The following STK3 variants were observed in gnomAD, a reference collection of about 807,000 sequenced individuals.
STK3 encodes serine/threonine kinase 3.
In STK3, 41 loss-of-function variants were observed where a neutral mutation model predicts 58.0. The observed-to-expected ratio is 0.71, with a 90% CI of 0.55 to 0.92. STK3 has a LOEUF of 0.92. STK3 is among the 40% of genes least tolerant of loss of function. The pLI, the probability that STK3 is intolerant of heterozygous loss-of-function variation, is 0.00. For missense variants in STK3, 479 were observed against 602.7 expected, an observed-to-expected ratio of 0.79 and a Z score of 2.15; for synonymous variants, 170 against 191.0, an observed-to-expected ratio of 0.89 and a Z score of 0.91.
At chr8:98,383,427 T>C (rs990186700) in intron 1 of STK3, among the ~76,000 whole-genome samples, 1 of 152,216 alleles carries the variant, frequency 6.6e-6, no homozygotes, top group African/African-American at 2.4e-5. Flanking sequence ...GGATCTATTA[T>C]AGAATAGCAG....
intron 1 of STK3, among the ~76,000 whole-genome samples, chr8:98,818,231 C>A (rs540077043): frequency 2.4e-4 from 37 of 152,342 alleles, no homozygotes; most frequent in African/African-American, 8.9e-4. Flanking sequence ...TCTCTACACA[C>A]TACTTATATC....
intron 1 of STK3, among the ~76,000 whole-genome samples, chr8:98,798,206 C>G: frequency 6.6e-6 from 1 of 152,144 alleles, no homozygotes; most frequent in Non-Finnish European, 1.5e-5. Flanking sequence ...TGCTTCAAGG[C>G]AGCTCATAAT....
chr8:98,750,865 C>G (rs1829932073), intron 3 of STK3, among the ~76,000 whole-genome samples: 2 of 152,290 alleles, frequency 1.3e-5, no homozygotes, highest in South Asian at 4.1e-4. Context: ...AAAACATTAG[C>G]AAACCAAATC....
chr8:98,844,987 A>G (rs2131817721), intron 3 of STK3, among the ~76,000 whole-genome samples: 1 of 152,318 alleles, frequency 6.6e-6, no homozygotes, highest in South Asian at 2.1e-4. Flanking sequence ...GTTGGAGCAG[A>G]GCATCCCAGT....
chr8:98,525,987 G>GA (rs1349936160), intron 10 of STK3, among the ~76,000 whole-genome samples: 1 of 150,958 alleles, frequency 6.6e-6, no homozygotes, highest in Non-Finnish European at 1.5e-5. Context: ...TTTTGTTTGG[G>GA]AAAAAAAATC....
intron 5 of STK3, 116 bp from the exon 6 acceptor site, chr8:98,706,750 T>C: frequency 8.4e-7 from 1 of 1,195,216 alleles, no homozygotes; most frequent in South Asian, 1.9e-5. Context: ...ATATCAGAAA[T>C]TGACTATTTT....
intron 1 of STK3, among the ~76,000 whole-genome samples, chr8:98,795,103 A>T (rs2515213): frequency 1.5e-5 from 1 of 64,726 alleles, no homozygotes; most frequent in African/African-American, 6.0e-5. Flanking sequence ...AAAAAAAAAA[A>T]ATATATATAT....
At chr8:98,714,573 A>G (rs1179776861) in intron 4 of STK3, among the ~76,000 whole-genome samples, 1 of 152,208 alleles carries the variant, frequency 6.6e-6, no homozygotes, top group Non-Finnish European at 1.5e-5. Flanking sequence ...TCCAACTTAC[A>G]AGGGACATGA....
At chr8:98,577,774 A>T (rs1813534803) in intron 8 of STK3, among the ~76,000 whole-genome samples, 2 of 152,150 alleles carry the variant, frequency 1.3e-5, no homozygotes, top group Non-Finnish European at 2.9e-5. Context: ...TACAAATACC[A>T]TGATAATAAA....
chr8:98,631,973 G>A (rs1053174845), intron 6 of STK3, among the ~76,000 whole-genome samples: 4 of 152,202 alleles, frequency 2.6e-5, no homozygotes, highest in Admixed American at 6.5e-5. Flanking sequence ...CTTTTTGTGT[G>A]TAATTTACTG....
At chr8:98,365,232 T>G in the STK3 span, among the ~76,000 whole-genome samples, 1 of 152,056 alleles carries the variant, frequency 6.6e-6, no homozygotes, top group African/African-American at 2.4e-5. Context: ...ATCACTGGAG[T>G]GGATGCTTTG....
intron 1 of STK3, chr8:98,904,779 G>T (rs779398889): frequency 1.5e-6 from 1 of 685,136 alleles, no homozygotes; most frequent in Non-Finnish European, 2.7e-6. Context: ...ATAGGAGGAA[G>T]TGGTGGCCGG....
intron 6 of STK3, among the ~76,000 whole-genome samples, chr8:98,680,611 T>A (rs1488645046): frequency 6.6e-6 from 1 of 152,202 alleles, no homozygotes; most frequent in African/African-American, 2.4e-5. Context: ...CTGTTCTCTT[T>A]CCCTACAGAA....
intron 1 of STK3, among the ~76,000 whole-genome samples, chr8:98,796,944 C>G (rs1165351163): frequency 6.6e-6 from 1 of 152,136 alleles, no homozygotes; most frequent in Admixed American, 6.5e-5. Context: ...ATTAAAAAGT[C>G]AGGCCTCGGA....
intron 1 of STK3, among the ~76,000 whole-genome samples, chr8:98,896,527 A>G (rs920368317): frequency 6.6e-6 from 1 of 152,192 alleles, no homozygotes; most frequent in African/African-American, 2.4e-5. Context: ...TAGTTTCACA[A>G]ACAGTAGCCT....
At chr8:98,588,879 G>C (rs1814946832) in intron 7 of STK3, among the ~76,000 whole-genome samples, 1 of 150,842 alleles carries the variant, frequency 6.6e-6, no homozygotes, top group African/African-American at 2.4e-5. Flanking sequence ...CTTTCTTCCA[G>C]TTGATCGCAT....
At chr8:98,574,328 T>C (rs1030605888) in intron 8 of STK3, among the ~76,000 whole-genome samples, 1 of 152,172 alleles carries the variant, frequency 6.6e-6, no homozygotes, top group Non-Finnish European at 1.5e-5. Flanking sequence ...CCAGCCTCTA[T>C]AGACAGCAAA....
At chr8:98,615,288 A>C (rs1205014468) in intron 6 of STK3, among the ~76,000 whole-genome samples, 9 of 146,650 alleles carry the variant, frequency 6.1e-5, no homozygotes, top group Non-Finnish European at 1.4e-4. Context: ...CAGAAAGGAC[A>C]TCCACACCGA....
intron 3 of STK3, among the ~76,000 whole-genome samples, chr8:98,404,124 CCAT>C (rs1288751955): frequency 6.6e-6 from 1 of 152,214 alleles, no homozygotes; most frequent in East Asian, 1.9e-4. Context: ...GATATTGCCT[CCAT>C]TTACAGCGAA....
Sources: allele counts gnomAD v4.1 joint callset (sites outside exome capture counted in the v4.1 genomes callset), GRCh38; gene constraint gnomAD v4.1.1; transcripts MANE v1.5; gene names NCBI Gene and HGNC (gene_info 2026-07-23, HGNC 2026-07-21).